HHAT: variants seen among roughly 807,000 people sequenced by gnomAD.
HHAT encodes protein-cysteine N-palmitoyltransferase HHAT.
In HHAT, 47 loss-of-function variants were observed where a neutral mutation model predicts 70.8. The ratio of observed to expected loss-of-function variants is 0.66; its 90% CI spans 0.53 to 0.85. HHAT has a LOEUF of 0.85. HHAT is among the 40% of genes least tolerant of loss of function. HHAT has a pLI of 0.00. For missense variants in HHAT, 609 were observed against 604.8 expected, an observed-to-expected ratio of 1.01 and a Z score of -0.07; for synonymous variants, 228 against 247.6, an observed-to-expected ratio of 0.92 and a Z score of 0.74.
chr1:210,629,852 G>GT (rs367905358), intron 11 of HHAT, among the ~76,000 whole-genome samples: 15,453 of 142,218 alleles, frequency 0.11, 949 homozygotes, highest in Middle Eastern at 0.17. Context: ...TTTGTTTTTT[G>GT]TTTTTTTTTT....
chr1:210,506,410 A>G (rs2094855376), intron 8 of HHAT, among the ~76,000 whole-genome samples: 1 of 152,172 alleles, frequency 6.6e-6, no homozygotes, highest in East Asian at 1.9e-4. Context: ...TTTTATCTCA[A>G]GCTGAAATCT....
At chr1:210,440,729 C>T (rs1197441176) in intron 7 of HHAT, among the ~76,000 whole-genome samples, 1 of 151,884 alleles carries the variant, frequency 6.6e-6, no homozygotes. Context: ...CACTGTGTAC[C>T]TGGAGCTTCC....
chr1:210,424,287 A>G (rs888769589), intron 7 of HHAT, among the ~76,000 whole-genome samples: 2 of 152,102 alleles, frequency 1.3e-5, no homozygotes, highest in East Asian at 1.9e-4. Flanking sequence ...TTTTTTAGCT[A>G]TTAGAAATGG....
At chr1:210,428,191 A>C (rs1357396405) in intron 7 of HHAT, among the ~76,000 whole-genome samples, 1 of 149,942 alleles carries the variant, frequency 6.7e-6, no homozygotes, top group Non-Finnish European at 1.5e-5. Flanking sequence ...TCCAGAGATC[A>C]GTACTGATAA....
At chr1:210,557,504 G>T (rs1010017042) in intron 9 of HHAT, among the ~76,000 whole-genome samples, 1 of 152,156 alleles carries the variant, frequency 6.6e-6, no homozygotes, top group Non-Finnish European at 1.5e-5. Context: ...GTATTAGTCT[G>T]TTTTCACACT....
chr1:210,674,729 A>C lies in HHAT; in HGVS notation c.*350A>C, dbSNP rs1225552386. On this transcript the variant is annotated 3_prime_UTR_variant, in exon 12 of 12. Transcript: ENST00000261458. ...TTAAGCAAGAATAGAATGTAGTGGAAATTTATTGATTGAGACACAGAAATC... is the reference window on the plus strand; with the variant it reads ...TTAAGCAAGAATAGAATGTAGTGGACATTTATTGATTGAGACACAGAAATC... The C allele has an allele frequency of 5.2e-6, 1 of 193,980 alleles. No homozygotes were observed. Among genetic ancestry groups the C allele is most frequent in the Non-Finnish European group, 1.0e-5 (1 of 95,936 alleles). 12.0% of individuals were successfully genotyped at this position (193,980 alleles called of 1,614,324 possible).
chr1:210,590,119 C>T (rs1482555026), intron 10 of HHAT: 2 of 152,166 alleles, frequency 1.3e-5, no homozygotes, highest in Non-Finnish European at 2.9e-5. Context: ...AATCAGTGCA[C>T]AATTAGTGCT....
intron 6 of HHAT, among the ~76,000 whole-genome samples, chr1:210,417,323 C>T (rs187555914): frequency 6.6e-6 from 1 of 152,328 alleles, no homozygotes; most frequent in Admixed American, 6.5e-5. Flanking sequence ...ACCTCCGCCT[C>T]CCAGGTTCAA....
intron 11 of HHAT, among the ~76,000 whole-genome samples, chr1:210,637,858 C>CAA (rs33961605): frequency 0.35 from 40,964 of 116,114 alleles, 6,498 homozygotes; most frequent in African/African-American, 0.41. Flanking sequence ...GACTCCGTCT[C>CAA]AAAAAAAAAA....
At chr1:210,409,526 G>GT (rs2092454079) in intron 6 of HHAT, among the ~76,000 whole-genome samples, 1 of 152,226 alleles carries the variant, frequency 6.6e-6, no homozygotes, top group African/African-American at 2.4e-5. Flanking sequence ...TTTGTTAGGA[G>GT]TAGGGGTATG....
intron 7 of HHAT, among the ~76,000 whole-genome samples, chr1:210,459,293 C>T (rs2093931691): frequency 1.3e-5 from 2 of 152,184 alleles, no homozygotes; most frequent in South Asian, 4.1e-4. Context: ...TGACTGTATA[C>T]ACTTCCCGGA....
Position 210,540,474 on chromosome 1 carries a change from CACACAT to C in HHAT, c.1043+27287_1043+27292del, listed in dbSNP as rs3067913. On this transcript the variant is annotated intron_variant, in intron 9 of 11. Coordinates refer to ENST00000261458, the MANE Select transcript of HHAT (RefSeq NM_018194.6). Reference sequence around the variant, plus strand: ...ACACACACACACACACACACACGCACACACATGCACACACACGCACACACACATGCA... The same window carrying C: ...ACACACACACACACACACACACGCACGCACACACACGCACACACACATGCA... 5.9e-3 allele frequency among the ~76,000 whole-genome samples: 586 copies of C among 99,296 alleles called. 2 individuals carry two copies. The highest frequency in any genetic ancestry group is 0.015 in the African/African-American group (559 of 36,646). 65.1% of individuals were successfully genotyped at this position (99,296 alleles called of 152,430 possible).
In HHAT at chr1:210,556,542, C is replaced by T. The variant is rs565151012; in HGVS notation, c.1044-31356C>T. Reference sequence around the variant, plus strand: ...CCTGTACTGCCTCCTTTCCTCTCATCGCCTTTGGGCTTCCAAACATCCTTC... The same window carrying T: ...CCTGTACTGCCTCCTTTCCTCTCATTGCCTTTGGGCTTCCAAACATCCTTC... On this transcript the variant is annotated intron_variant, in intron 9 of 11. Coordinates refer to ENST00000261458, the MANE Select transcript of HHAT (RefSeq NM_018194.6). 7.9e-5 allele frequency among the ~76,000 whole-genome samples: 12 copies of T among 152,316 alleles called. No individual in the cohort carries two copies. In the South Asian group the frequency reaches 2.3e-3, roughly 29 times the overall value.
rs191712708 is a variant in HHAT, at chr1:210,579,967, C to T, written c.1044-7931C>T. ...TCACTGAACTACCAGCTTCATGGAG[C>T]GAAAAGAAAGATTATTTAAATGTTG... is the stretch of plus-strand genomic sequence containing the variant. On this transcript the variant is annotated intron_variant, in intron 9 of 11. Transcript: ENST00000261458. 2.0e-4 allele frequency among the ~76,000 whole-genome samples: 30 copies of T among 152,150 alleles called. No individual in the cohort carries two copies. The South Asian group carries it at 3.1e-3, about 16-fold the overall frequency.
chr1:210,360,839 A>C (rs995765339), intron 2 of HHAT, among the ~76,000 whole-genome samples: 14 of 131,474 alleles, frequency 1.1e-4, no homozygotes, highest in East Asian at 4.2e-4. Flanking sequence ...ATAAATAATT[A>C]ACTTCACTTT....
chr1:210,407,472 A>G (rs984832027), intron 6 of HHAT, among the ~76,000 whole-genome samples: 3 of 152,252 alleles, frequency 2.0e-5, no homozygotes, highest in African/African-American at 4.8e-5. Flanking sequence ...TGCAAACTCC[A>G]AAAGATCAAA....
chr1:210,478,162 G>T (rs1572715495), intron 8 of HHAT, among the ~76,000 whole-genome samples: 1 of 152,226 alleles, frequency 6.6e-6, no homozygotes, highest in African/African-American at 2.4e-5. Flanking sequence ...TGAGTTGTGT[G>T]GTCACTCACT....
Position 210,623,568 on chromosome 1 carries a change from G to T in HHAT, c.1288G>T (p.Ala430Ser). 6.2e-7 allele frequency: 1 copy of T among 1,614,018 alleles called. No homozygotes were observed. The change falls in exon 11 of 12, where the codon GCC becomes TCC. Residue 430 changes from alanine (A) to serine (S), a missense_variant. Transcript: ENST00000261458. ...ACAAGCTCGCCGTCGATTCCACGCT[G>T]CCCTTGCTTCTTGTTCCACCTCGAT... ...SPQARRRFHAALASCSTSMLI... is the reference protein window; with the variant it reads ...SPQARRRFHASLASCSTSMLI...
At chr1:210,473,747 T>C (rs559906960) in intron 8 of HHAT, among the ~76,000 whole-genome samples, 1 of 152,332 alleles carries the variant, frequency 6.6e-6, no homozygotes, top group South Asian at 2.1e-4. Flanking sequence ...TGTCCTCTTC[T>C]TCTCTTCCTT....
Sources: allele counts gnomAD v4.1 joint callset (sites outside exome capture counted in the v4.1 genomes callset), GRCh38; gene constraint gnomAD v4.1.1; transcripts MANE v1.5; gene names NCBI Gene and HGNC (gene_info 2026-07-23, HGNC 2026-07-21).